SGCZ: variants seen among roughly 807,000 people sequenced by gnomAD.
SGCZ encodes zeta-sarcoglycan.
Under a neutral mutation model 41.3 loss-of-function variants are expected in SGCZ, and 40 were observed. That is an observed-to-expected ratio of 0.97 (90% CI 0.75 to 1.26). The LOEUF is 1.26. Ranked by LOEUF, SGCZ falls within the 50% of genes most tolerant of loss-of-function variation. The pLI is 0.00. For synonymous variants in SGCZ, 206 were observed against 137.5 expected, an observed-to-expected ratio of 1.50 and a Z score of -3.49; for missense variants, 552 against 369.8, an observed-to-expected ratio of 1.49 and a Z score of -4.04.
intron 4 of SGCZ, among the ~76,000 whole-genome samples, chr8:14,175,477 G>C (rs1399478922): frequency 1.3e-5 from 2 of 151,986 alleles, no homozygotes; most frequent in African/African-American, 4.8e-5. Context: ...TATAAATTTG[G>C]AAAAGAATAA....
chr8:14,947,664 AG>A (rs1436835719), intron 1 of SGCZ, among the ~76,000 whole-genome samples: 7 of 152,224 alleles, frequency 4.6e-5, no homozygotes, highest in African/African-American at 1.7e-4. Context: ...AATATCATTA[AG>A]TATTTTATTC....
chr8:14,834,551 A>C (rs947498568), intron 1 of SGCZ, among the ~76,000 whole-genome samples: 7 of 152,216 alleles, frequency 4.6e-5, no homozygotes, highest in African/African-American at 1.7e-4. Context: ...GAGAGGAGAC[A>C]GAGCATTCCC....
chr8:14,641,513 C>A (rs757863156), intron 1 of SGCZ, among the ~76,000 whole-genome samples: 2 of 151,604 alleles, frequency 1.3e-5, no homozygotes, highest in East Asian at 3.9e-4. Context: ...TTGTTTAAAA[C>A]GTTTTTAGAG....
intron 1 of SGCZ, among the ~76,000 whole-genome samples, chr8:14,688,267 C>T (rs1389391409): frequency 7.2e-5 from 11 of 152,092 alleles, no homozygotes; most frequent in Non-Finnish European, 1.0e-4. Flanking sequence ...GAAGTCCTTG[C>T]CCATGCCTAT....
intron 1 of SGCZ, among the ~76,000 whole-genome samples, chr8:14,996,275 G>C (rs556187503): frequency 1.3e-5 from 2 of 152,114 alleles, no homozygotes; most frequent in African/African-American, 4.8e-5. Flanking sequence ...ATTCTGAACC[G>C]CATGAAACCA....
At chr8:14,522,241 T>C (rs771518855) in intron 2 of SGCZ, among the ~76,000 whole-genome samples, 3 of 152,056 alleles carry the variant, frequency 2.0e-5, no homozygotes, top group Non-Finnish European at 4.4e-5. Context: ...TTTGGCGCTG[T>C]CTTTGTCTGG....
chr8:14,290,886 A>G (rs1253261702), intron 3 of SGCZ, among the ~76,000 whole-genome samples: 2 of 152,120 alleles, frequency 1.3e-5, no homozygotes, highest in East Asian at 3.8e-4. Context: ...AGATATCTGC[A>G]CTCCTACTTA....
chr8:14,679,144 A>T (rs1808363771), intron 1 of SGCZ, among the ~76,000 whole-genome samples: 1 of 152,204 alleles, frequency 6.6e-6, no homozygotes, highest in Non-Finnish European at 1.5e-5. Context: ...ACTGCCAGTC[A>T]TATAATAATA....
chr8:14,207,481 G>A (rs934564081), intron 4 of SGCZ, among the ~76,000 whole-genome samples: 6 of 151,986 alleles, frequency 3.9e-5, no homozygotes, highest in Non-Finnish European at 8.8e-5. Flanking sequence ...GCACTACTAT[G>A]TTTATGGTTT....
intron 2 of SGCZ, among the ~76,000 whole-genome samples, chr8:14,324,851 AC>A (rs1166498824): frequency 6.6e-6 from 1 of 152,134 alleles, no homozygotes; most frequent in Non-Finnish European, 1.5e-5. Context: ...AAGATAGTAA[AC>A]CATTTCTCAT....
At chr8:14,421,302 C>T (rs1799630885) in intron 2 of SGCZ, among the ~76,000 whole-genome samples, 1 of 152,084 alleles carries the variant, frequency 6.6e-6, no homozygotes, top group Non-Finnish European at 1.5e-5. Flanking sequence ...AGTCTTCCTT[C>T]TCTTTATTAT....
intron 4 of SGCZ, among the ~76,000 whole-genome samples, chr8:14,230,773 G>A (rs1806537326): frequency 6.7e-6 from 1 of 150,240 alleles, no homozygotes; most frequent in South Asian, 2.1e-4. Flanking sequence ...TGGTGGGGGG[G>A]TGGTTACTCA....
intron 1 of SGCZ, among the ~76,000 whole-genome samples, chr8:14,606,730 C>G (rs1364485842): frequency 1.3e-5 from 2 of 152,168 alleles, no homozygotes; most frequent in Admixed American, 1.3e-4. Context: ...AGCAAAATCC[C>G]TGGCACATGG....
At chr8:14,206,442 C>T (rs1253528044) in intron 4 of SGCZ, among the ~76,000 whole-genome samples, 1 of 152,132 alleles carries the variant, frequency 6.6e-6, no homozygotes, top group Non-Finnish European at 1.5e-5. Context: ...CTATTCACTT[C>T]AAACATTAAA....
At chr8:15,034,826 A>C (rs1173054618) in intron 1 of SGCZ, among the ~76,000 whole-genome samples, 1 of 152,212 alleles carries the variant, frequency 6.6e-6, no homozygotes, top group African/African-American at 2.4e-5. Context: ...CTAAAGGACA[A>C]AACTGTCAAC....
At chr8:14,923,187 T>G (rs762943089) in intron 1 of SGCZ, among the ~76,000 whole-genome samples, 3 of 152,188 alleles carry the variant, frequency 2.0e-5, no homozygotes, top group Non-Finnish European at 4.4e-5. Flanking sequence ...GTTCCTCTAC[T>G]CTCACCAGCA....
chr8:14,137,918 G>A (rs970293642), intron 5 of SGCZ, among the ~76,000 whole-genome samples: 3 of 152,074 alleles, frequency 2.0e-5, no homozygotes. Flanking sequence ...AAATATTAAG[G>A]GCAGCCAGAG....
intron 4 of SGCZ, among the ~76,000 whole-genome samples, chr8:14,229,668 C>T (rs1186910104): frequency 6.6e-6 from 1 of 150,980 alleles, no homozygotes; most frequent in African/African-American, 2.4e-5. Context: ...AAAAAAGAGT[C>T]AATTAAAAAA....
chr8:15,018,142 A>C (rs7007836), intron 1 of SGCZ, among the ~76,000 whole-genome samples: 56,625 of 152,016 alleles, frequency 0.37, 11,179 homozygotes, highest in East Asian at 0.51. Flanking sequence ...ACCCTTCCAC[A>C]TAAGCCACCC....
Sources: allele counts gnomAD v4.1 joint callset (sites outside exome capture counted in the v4.1 genomes callset), GRCh38; gene constraint gnomAD v4.1.1; transcripts MANE v1.5; gene names NCBI Gene and HGNC (gene_info 2026-07-23, HGNC 2026-07-21).